Variants in TCP11 observed in about 807,000 individuals in gnomAD.
The protein encoded by TCP11 is t-complex 11, also known as T-complex protein 11 homolog.
Under a neutral mutation model 45.0 loss-of-function variants are expected in TCP11, and 34 were observed. The ratio of observed to expected loss-of-function variants is 0.76; its 90% confidence interval spans 0.57 to 1.01. TCP11 has a LOEUF of 1.01. TCP11 is among the 50% of genes least tolerant of loss of function. The pLI, the probability that TCP11 is intolerant of heterozygous loss-of-function variation, is 0.00. For missense variants in TCP11, 523 were observed against 598.1 expected (o/e 0.87, Z 1.31); for synonymous variants, 227 against 227.0 (o/e 1.00, Z 0.00).
chr6:35,139,741 A>C (rs1347095451), intron 2 of TCP11, among the ~76,000 whole-genome samples: 3 of 152,232 alleles, frequency 2.0e-5, no homozygotes, highest in Admixed American at 2.0e-4. Flanking sequence ...AGCACTAAGC[A>C]ATTCCAAAAC....
intron 3 of TCP11, among the ~76,000 whole-genome samples, chr6:35,133,986 G>C (rs1414469830): frequency 6.6e-6 from 1 of 152,008 alleles, no homozygotes; most frequent in East Asian, 1.9e-4. Flanking sequence ...TAAATAAGCT[G>C]AGTTATGAAG....
At chr6:35,121,443 T>C (rs1302497221) in intron 5 of TCP11, among the ~76,000 whole-genome samples, 1 of 150,660 alleles carries the variant, frequency 6.6e-6, no homozygotes, top group Admixed American at 6.6e-5. Flanking sequence ...TCTTGGTTCC[T>C]AGAGTTGTGA....
At chr6:35,123,801 CT>C (rs1413777735) in intron 4 of TCP11, among the ~76,000 whole-genome samples, 2 of 151,402 alleles carry the variant, frequency 1.3e-5, no homozygotes, top group Non-Finnish European at 2.9e-5. Flanking sequence ...TTTTTGGATT[CT>C]TTTGAGACAG....
chr6:35,129,829 C>T (rs1297111799), intron 3 of TCP11, among the ~76,000 whole-genome samples: 3 of 152,278 alleles, frequency 2.0e-5, no homozygotes, highest in South Asian at 4.1e-4. Context: ...GGTTGGAATG[C>T]GATGGCACAA....
At chr6:35,140,933 C>T in intron 1 of TCP11, 49 bp from the exon 2 acceptor site, 1 of 1,503,334 alleles carries the variant, frequency 6.7e-7, no homozygotes, top group Non-Finnish European at 8.8e-7. Context: ...AGGGGCCTCC[C>T]CAATTGCCAA....
chr6:35,127,041 C>T (rs998026837), intron 4 of TCP11, among the ~76,000 whole-genome samples: 1 of 152,196 alleles, frequency 6.6e-6, no homozygotes, highest in African/African-American at 2.4e-5. Flanking sequence ...ACTGCTTCCT[C>T]TTACTAGCAC....
chr6:35,121,077 A>G, intron 5 of TCP11, 32 bp from the exon 6 acceptor site: 2 of 1,574,624 alleles, frequency 1.3e-6, no homozygotes, highest in Non-Finnish European at 1.7e-6. Flanking sequence ...TATTTATACT[A>G]CTAAGCTAGA....
chr6:35,129,079 G>C lies in TCP11; in HGVS notation c.340C>G (p.Leu114Val). ...TCACTCACCTCTTTAATTTCTTTCA[G>C]AAGTTCAAGAGCACAGCTGAAGTCA... ...PPDFSCALEL[L>V]KEIKEILLSL... Residue 114 changes from leucine to valine, a missense_variant, in exon 4 of 10, where the codon CTG becomes GTG. Physicochemically the swap from Leu to Val is conservative, Grantham distance 32. Transcript: ENST00000311875. 1 of 1,613,652 alleles carries C rather than the reference G, an allele frequency of 6.2e-7. No individual in the cohort carries two copies. Among genetic ancestry groups the C allele is most frequent in the Non-Finnish European group, 8.5e-7 (1 of 1,179,908 alleles).
At position 35,122,402 on chromosome 6, in the gene TCP11, A is replaced by G. The variant is rs574040809; in HGVS notation, c.358-65T>C. 2.6e-5 allele frequency: 38 copies of G among 1,465,802 alleles called. No homozygotes were observed. The South Asian group carries it at 4.2e-4, about 16-fold the overall frequency. 90.8% of individuals were successfully genotyped at this position (1,465,802 alleles called of 1,614,324 possible). A position where few individuals can be genotyped will look rare whatever the true frequency, so the allele number is the denominator to read the frequency against. ...ATCCCCAAACTTTATCCAATGGGCAATCCCTTTAGCTAAAGACATACCAGC... is the reference window on the plus strand; with the variant it reads ...ATCCCCAAACTTTATCCAATGGGCAGTCCCTTTAGCTAAAGACATACCAGC... On this transcript the variant is annotated intron_variant, in intron 4 of 9. Transcript: ENST00000311875.
chr6:35,128,943 T>A, intron 4 of TCP11, 119 bp downstream of exon 4: 1 of 1,288,482 alleles, frequency 7.8e-7, no homozygotes, highest in Non-Finnish European at 1.1e-6. Flanking sequence ...GATTTCTGTC[T>A]ATTGCTTAGT....
Position 35,127,929 on chromosome 6 carries a change from C to T in TCP11, c.357+1133G>A, listed in dbSNP as rs78379383. ...ACAGATCCAAATCCATTGTTCTTTGCTCTGTGAAAATGGAACTAAGTCCTT... is the reference window on the plus strand; with the variant it reads ...ACAGATCCAAATCCATTGTTCTTTGTTCTGTGAAAATGGAACTAAGTCCTT... On this transcript the variant is annotated intron_variant, in intron 4 of 9. Coordinates refer to ENST00000311875, the MANE Select transcript of TCP11 (RefSeq NM_001370687.1). Among the ~76,000 whole-genome samples, 719 of 152,282 alleles carry T rather than the reference C, an allele frequency of 4.7e-3. 4 individuals carry two copies. Among genetic ancestry groups the T allele is most frequent in the African/African-American group, 0.016 (682 of 41,544 alleles).
At chr6:35,119,128 C>T (rs570376369) in intron 9 of TCP11, 100 bp downstream of exon 9, 31 of 1,444,852 alleles carry the variant, frequency 2.1e-5, no homozygotes, top group Admixed American at 3.9e-5. Context: ...TAAACAATGA[C>T]GTACCTAATG....
intron 4 of TCP11, among the ~76,000 whole-genome samples, chr6:35,125,676 A>T (rs952111254): frequency 6.6e-6 from 1 of 152,214 alleles, no homozygotes; most frequent in Non-Finnish European, 1.5e-5. Flanking sequence ...TACCCAGAAA[A>T]ATTAAAAGCA....
At position 35,120,199 on chromosome 6, in the gene TCP11, T is replaced by C; in HGVS notation, c.1075A>G (p.Lys359Glu). The change falls in exon 8 of 10, where the codon AAA (lysine) becomes GAA (glutamate). Residue 359 changes from lysine (K) to glutamate (E), a missense_variant. Transcript: ENST00000311875. This position sits in a 1 kb window ranked among gnomAD's most constrained non-coding sequence, Gnocchi z 4.9. ...TCCAACAAGGATTTGGTTATGCGTT[T>C]CAGTTTATCTACAAATTGGGGTGAG... The part of the protein sequence containing the change: ...FGSPQFVDKL[K>E]RITKSLLEDF... 1 of 1,614,248 alleles carries C rather than the reference T, an allele frequency of 6.2e-7. No homozygotes were observed. The highest frequency in any genetic ancestry group is 8.5e-7 in the Non-Finnish European group (1 of 1,180,042).
intron 4 of TCP11, among the ~76,000 whole-genome samples, chr6:35,124,824 T>C (rs1229497087): frequency 2.6e-5 from 4 of 152,000 alleles, no homozygotes; most frequent in African/African-American, 9.7e-5. Flanking sequence ...CTTACCCCCA[T>C]ATAAAAATAT....
At chr6:35,126,356 G>C (rs1308503392) in intron 4 of TCP11, among the ~76,000 whole-genome samples, 1 of 152,112 alleles carries the variant, frequency 6.6e-6, no homozygotes, top group African/African-American at 2.4e-5. Context: ...CCATGCTTCT[G>C]TCAGTACCAG....
chr6:35,140,660 G>C (rs997657242), intron 2 of TCP11, 87 bp downstream of exon 2: 16 of 741,918 alleles, frequency 2.2e-5, no homozygotes, highest in Admixed American at 1.8e-4. Flanking sequence ...ATAGTGAAGA[G>C]AGAAAACTTG....
In TCP11 at chr6:35,140,020, CTCAGGT is replaced by C. The variant is rs776362823; in HGVS notation, c.124+721_124+726del. On this transcript the variant is annotated intron_variant, in intron 2 of 9. Coordinates refer to ENST00000311875, the MANE Select transcript of TCP11 (RefSeq NM_001370687.1). ...CAAAAAAACGGATTTTTCATCCTAC[CTCAGGT>C]TCATAGCTGTTGGAAATGACCCCAA... 4.3e-6 allele frequency: 7 copies of C among 1,613,900 alleles called. No homozygotes were observed. The South Asian group carries it at 6.6e-5, about 15-fold the overall frequency.
chr6:35,122,693 T>C (rs1241302196), intron 4 of TCP11, among the ~76,000 whole-genome samples: 1 of 152,176 alleles, frequency 6.6e-6, no homozygotes, highest in Admixed American at 6.5e-5. Context: ...TTTTAGATTA[T>C]TTTACTTCAA....
Sources: gnomAD v4.1 joint callset for allele counts (sites outside exome capture counted in the v4.1 genomes callset) on GRCh38, gnomAD v4.1.1 for gene constraint, Gnocchi (gnomAD v3.1) non-coding constraint, MANE v1.5 for transcripts, NCBI Gene and HGNC (gene_info 2026-07-23, HGNC 2026-07-21) for gene names.